FRY: variants seen among roughly 807,000 people sequenced by gnomAD.
FRY encodes protein furry homolog.
A neutral mutation model predicts 348.4 loss-of-function variants in FRY; 128 were observed. The observed-to-expected ratio is 0.37, with a 90% confidence interval of 0.32 to 0.43. The LOEUF is 0.43. Ranked by LOEUF, FRY falls within the 20% of genes least tolerant of loss-of-function variation. The pLI, the probability that FRY is intolerant of heterozygous loss-of-function variation, is 1.00. For missense variants in FRY, 2,736 were observed against 3,695.2 expected (o/e 0.74, Z 6.73); for synonymous variants, 1,370 against 1,374.7 (o/e 1.00, Z 0.08).
chr13:32,135,344 A>G (rs888128841), intron 10 of FRY, among the ~76,000 whole-genome samples, 161 bp downstream of exon 10: 5 of 152,188 alleles, frequency 3.3e-5, no homozygotes, highest in African/African-American at 1.2e-4. Context: ...GGCTTTTTGT[A>G]TTGACCATGA....
chr13:32,124,111 T>C (rs556462147), intron 4 of FRY, among the ~76,000 whole-genome samples, 175 bp from the exon 5 acceptor site: 2 of 152,326 alleles, frequency 1.3e-5, no homozygotes, highest in Non-Finnish European at 2.9e-5. Flanking sequence ...GTGCTGGGAT[T>C]ACAGGCATGA....
At chr13:32,105,727 G>A (rs117422402) in intron 3 of FRY, among the ~76,000 whole-genome samples, 1 of 152,078 alleles carries the variant, frequency 6.6e-6, no homozygotes. Context: ...ATATGTGATA[G>A]GTACTATGCT....
intron 41 of FRY, 152 bp from the exon 42 acceptor site, chr13:32,234,422 C>CA: frequency 1.4e-6 from 1 of 716,774 alleles, no homozygotes; most frequent in East Asian, 2.7e-5. Flanking sequence ...GACCCTGTCT[C>CA]AAAAAGAGAA....
intron 12 of FRY, 51 bp from the exon 13 acceptor site, chr13:32,147,788 C>T: frequency 1.0e-6 from 1 of 989,456 alleles, no homozygotes; most frequent in Non-Finnish European, 1.6e-6. Flanking sequence ...CCTTAAAGAA[C>T]TGGAGCTCAG....
chr13:32,173,204 T>A (rs1404778350), intron 18 of FRY, among the ~76,000 whole-genome samples, 163 bp from the exon 19 acceptor site: 1 of 152,186 alleles, frequency 6.6e-6, no homozygotes, highest in South Asian at 2.1e-4. Flanking sequence ...TCTAGGATAT[T>A]TCATGAATAA....
intron 36 of FRY, among the ~76,000 whole-genome samples, chr13:32,223,960 C>T (rs1364267277): frequency 2.6e-5 from 4 of 152,034 alleles, no homozygotes; most frequent in African/African-American, 9.7e-5. Flanking sequence ...TGGTTTTGAA[C>T]TCCTGACCTC....
In FRY at chr13:32,178,213, T is replaced by C. The variant is rs766750294; in HGVS notation, c.2458T>C (p.Trp820Arg). The change falls in exon 21 of 61, where the codon TGG (tryptophan) becomes CGG (arginine). Residue 820 changes from tryptophan (W) to arginine (R), a missense_variant. By Grantham distance (101) the Trp-to-Arg change is moderately radical. Transcript: ENST00000542859. The stretch of plus-strand genomic sequence containing the variant: ...ACTCACCCACAATGTGGATCTGCAG[T>C]GGTTGGTGGAATGGAACGCAGTCCT... ...LPLTHNVDLQ[W>R]LVEWNAVLVN... is the part of the protein sequence containing the mutation. 1 of 1,614,158 alleles carries C rather than the reference T, an allele frequency of 6.2e-7. No individual in the cohort carries two copies. The highest frequency in any genetic ancestry group is 8.5e-7 in the Non-Finnish European group (1 of 1,180,008).
intron 35 of FRY, among the ~76,000 whole-genome samples, chr13:32,217,673 GCACTGC>G (rs1464031498): frequency 2.6e-5 from 4 of 152,170 alleles, no homozygotes; most frequent in Non-Finnish European, 4.4e-5. Context: ...AAGGCCTCCT[GCACTGC>G]CACCTCCCTG....
Position 32,274,737 on chromosome 13 carries a change from A to G in FRY, c.8137-105A>G, listed in dbSNP as rs1230249686. 7.2e-6 allele frequency: 5 copies of G among 694,170 alleles called. No homozygotes were observed. In the Admixed American group the frequency reaches 1.1e-4, roughly 16 times the overall value. 43.0% of individuals were successfully genotyped at this position (694,170 alleles called of 1,614,324 possible). On this transcript the variant is annotated intron_variant, in intron 55 of 60. Coordinates refer to ENST00000542859, the MANE Select transcript of FRY (RefSeq NM_023037.3). ...AAAAAAAAAAAAAAAAAATCAGTTAATGTAATTGGAATATAAAAAAAGAAG... is the reference window on the plus strand; with the variant it reads ...AAAAAAAAAAAAAAAAAATCAGTTAGTGTAATTGGAATATAAAAAAAGAAG...
At chr13:32,256,427 C>T (rs1375238443) in intron 51 of FRY, among the ~76,000 whole-genome samples, 4 of 151,472 alleles carry the variant, frequency 2.6e-5, no homozygotes, top group Non-Finnish European at 4.4e-5. Flanking sequence ...CCCAGCTACT[C>T]GGGAGGCTGA....
chr13:32,265,152 T>A (rs1887852753), intron 53 of FRY, among the ~76,000 whole-genome samples: 1 of 152,206 alleles, frequency 6.6e-6, no homozygotes. Flanking sequence ...GAGGTCTTGA[T>A]GGTCTTTTCC....
intron 17 of FRY, among the ~76,000 whole-genome samples, chr13:32,168,516 G>GA (rs1166165727): frequency 6.6e-6 from 1 of 152,026 alleles, no homozygotes; most frequent in Non-Finnish European, 1.5e-5. Flanking sequence ...ACTTTTGTTG[G>GA]AAAAAAAGAT....
chr13:32,049,459 G>C (rs1453876826), intron 1 of FRY, among the ~76,000 whole-genome samples: 1 of 137,762 alleles, frequency 7.3e-6, no homozygotes, highest in Non-Finnish European at 1.6e-5. Flanking sequence ...TTGTTTTTTG[G>C]GACGGAGTCT....
chr13:32,151,502 G>T (rs770285738), intron 14 of FRY, among the ~76,000 whole-genome samples: 1 of 152,256 alleles, frequency 6.6e-6, no homozygotes, highest in Non-Finnish European at 1.5e-5. Flanking sequence ...ACATGCTGTA[G>T]GGCATTGTTT....
chr13:32,131,702 G>A lies in FRY; in HGVS notation c.747G>A (p.Ala249=), dbSNP rs763898329. Residue 249 remains alanine (A), a synonymous_variant, in exon 8 of 61, where the codon GCG becomes GCA. Coordinates refer to ENST00000542859, the MANE Select transcript of FRY (RefSeq NM_023037.3). ...CTGCTGTAAAGAAGAAATTTATGGC[G>A]GAGCTAAAAGAATTACGGCACAAAG... ...KFPAVKKKFM[A]ELKELRHKEQ... 1.4e-5 allele frequency: 22 copies of A among 1,613,690 alleles called. No homozygotes were observed. The highest frequency in any genetic ancestry group is 3.3e-5 in the South Asian group (3 of 91,068).
intron 44 of FRY, among the ~76,000 whole-genome samples, chr13:32,238,697 G>A (rs183360703): frequency 1.3e-5 from 2 of 152,150 alleles, no homozygotes; most frequent in Admixed American, 6.5e-5. Flanking sequence ...TGATCCACCC[G>A]CCTCAGACTC....
chr13:32,160,583 C>T (rs745339553), intron 16 of FRY, among the ~76,000 whole-genome samples: 100 of 152,124 alleles, frequency 6.6e-4, no homozygotes, highest in Non-Finnish European at 9.3e-4. Flanking sequence ...TGAGGCCCAT[C>T]GGTATCACTT....
At chr13:32,201,892 T>C in intron 29 of FRY, 49 bp from the exon 30 acceptor site, 1 of 1,019,924 alleles carries the variant, frequency 9.8e-7, no homozygotes. Flanking sequence ...ATCTAGCCAC[T>C]CTGTCTTATA....
At chr13:32,273,309 C>CTT (rs1373748620) in intron 55 of FRY, among the ~76,000 whole-genome samples, 3 of 151,084 alleles carry the variant, frequency 2.0e-5, no homozygotes, top group Non-Finnish European at 4.4e-5. Context: ...GCAGGCTCCG[C>CTT]CCCCTGGGGT....
Sources: allele counts gnomAD v4.1 joint callset (sites outside exome capture counted in the v4.1 genomes callset), GRCh38; gene constraint gnomAD v4.1.1; transcripts MANE v1.5; gene names NCBI Gene and HGNC (gene_info 2026-07-23, HGNC 2026-07-21).